The following ITFG1 variants were observed in gnomAD, a reference collection of about 807,000 sequenced individuals.
The protein encoded by ITFG1 is integrin alpha FG-GAP repeat containing 1.
Under a neutral mutation model 81.8 loss-of-function variants are expected in ITFG1, and 34 were observed. The observed-to-expected ratio is 0.42, with a 90% CI of 0.32 to 0.55. ITFG1 has a LOEUF of 0.55. Ranked by LOEUF, ITFG1 falls within the 20% of genes least tolerant of loss-of-function variation. The pLI is 0.17. For missense variants in ITFG1, 672 were observed against 755.4 expected (o/e 0.89, Z 1.29); for synonymous variants, 285 against 270.6 (o/e 1.05, Z -0.52).
At chr16:47,444,565 T>C (rs146372731) in intron 5 of ITFG1, among the ~76,000 whole-genome samples, 1 of 152,276 alleles carries the variant, frequency 6.6e-6, no homozygotes, top group East Asian at 1.9e-4. Context: ...TATTAGGTGA[T>C]AGTATTATTA....
intron 14 of ITFG1, among the ~76,000 whole-genome samples, chr16:47,213,120 A>G (rs1205031307): frequency 1.3e-5 from 2 of 152,130 alleles, no homozygotes; most frequent in Non-Finnish European, 2.9e-5. Context: ...TCAGCTCAAT[A>G]TATTTTAAGA....
chr16:47,269,263 A>G (rs1395250266), intron 10 of ITFG1, among the ~76,000 whole-genome samples: 1 of 152,208 alleles, frequency 6.6e-6, no homozygotes, highest in Non-Finnish European at 1.5e-5. Flanking sequence ...GAAAAATCAT[A>G]TGAGATCTAG....
At chr16:47,315,778 T>TATATATATATATATATATATATAC (rs1303718198) in intron 8 of ITFG1, among the ~76,000 whole-genome samples, 208 of 151,202 alleles carry the variant, frequency 1.4e-3, no homozygotes, top group Non-Finnish European at 2.0e-3. Context: ...CATATATATA[T>TATATATATATATATATATATATAC]ACACATATAT....
At chr16:47,371,837 G>A (rs1323444044) in intron 7 of ITFG1, among the ~76,000 whole-genome samples, 2 of 151,938 alleles carry the variant, frequency 1.3e-5, no homozygotes, top group Non-Finnish European at 2.9e-5. Flanking sequence ...GAATTATCTG[G>A]CTCAAAATGG....
rs1416583510 is a variant in ITFG1, at chr16:47,237,958, T to A, written c.1374+7A>T. ...GACATATTTATAACAGATATAAATT[T>A]ACTTACTGTTATCTTACGAGGACAG... On this transcript the variant is annotated splice_region_variant and intron_variant, in intron 13 of 17. Coordinates refer to ENST00000320640, the MANE Select transcript of ITFG1 (RefSeq NM_030790.5). 7.6e-7 allele frequency: 1 copy of A among 1,312,022 alleles called. No individual in the cohort carries two copies. The highest frequency in any genetic ancestry group is 2.1e-5 in the Admixed American group (1 of 47,786). The allele number at this position is 1,312,022 out of a possible 1,614,324, so 81.3% of individuals were successfully genotyped here.
intron 8 of ITFG1, among the ~76,000 whole-genome samples, chr16:47,328,081 A>T (rs879200158): frequency 1.3e-5 from 2 of 152,198 alleles, no homozygotes; most frequent in African/African-American, 4.8e-5. Flanking sequence ...CAAATGTCCA[A>T]CAATGATAGA....
intron 8 of ITFG1, among the ~76,000 whole-genome samples, chr16:47,364,256 A>G (rs1482101903): frequency 6.6e-6 from 1 of 152,230 alleles, no homozygotes; most frequent in Admixed American, 6.5e-5. Flanking sequence ...ATGGAGCAAT[A>G]GATATGTTTC....
chr16:47,224,422 GC>G (rs1427618137), intron 13 of ITFG1, among the ~76,000 whole-genome samples: 6 of 152,104 alleles, frequency 3.9e-5, no homozygotes, highest in African/African-American at 1.4e-4. Flanking sequence ...CTATGTTCGT[GC>G]CCCAGAAAGA....
At chr16:47,272,304 G>A (rs1334133374) in intron 10 of ITFG1, among the ~76,000 whole-genome samples, 2 of 152,188 alleles carry the variant, frequency 1.3e-5, no homozygotes, top group Non-Finnish European at 2.9e-5. Context: ...GAAGTCGTAG[G>A]GGAATTGGAG....
At chr16:47,403,438 G>A (rs937684549) in intron 6 of ITFG1, among the ~76,000 whole-genome samples, 2 of 151,922 alleles carry the variant, frequency 1.3e-5, no homozygotes, top group East Asian at 3.9e-4. Context: ...AGGGGGTGAC[G>A]CTTTAGCTAC....
chr16:47,316,822 T>C (rs1225582259), intron 8 of ITFG1, among the ~76,000 whole-genome samples: 2 of 152,202 alleles, frequency 1.3e-5, no homozygotes, highest in Non-Finnish European at 2.9e-5. Flanking sequence ...GAGCTAGAAT[T>C]ACTTTAAGCA....
chr16:47,421,410 T>G lies in ITFG1; in HGVS notation c.655+7394A>C, dbSNP rs151273670. 8.5e-3 allele frequency among the ~76,000 whole-genome samples: 1,295 copies of G among 152,026 alleles called. 19 individuals are homozygous for G. The highest frequency in any genetic ancestry group is 0.029 in the African/African-American group (1,212 of 41,454). ...ACCTCTGCCTCCCAGGTTCAAGCGA[T>G]TCTCCTGCCTCAGGCTCCTGAGTAG... On this transcript the variant is annotated intron_variant, in intron 6 of 17. Transcript: ENST00000320640.
intron 8 of ITFG1, among the ~76,000 whole-genome samples, chr16:47,327,793 T>A (rs530660195): frequency 6.6e-6 from 1 of 152,246 alleles, no homozygotes; most frequent in South Asian, 2.1e-4. Context: ...TCACACCAGT[T>A]AGAATGGCAA....
At chr16:47,192,021 C>T (rs1440255855) in intron 14 of ITFG1, among the ~76,000 whole-genome samples, 1 of 152,212 alleles carries the variant, frequency 6.6e-6, no homozygotes, top group Non-Finnish European at 1.5e-5. Context: ...CTCAAGCAAT[C>T]TGCCTGCCTT....
chr16:47,366,177 A>G (rs764692662), intron 7 of ITFG1, among the ~76,000 whole-genome samples: 1 of 152,204 alleles, frequency 6.6e-6, no homozygotes, highest in Non-Finnish European at 1.5e-5. Flanking sequence ...AATGTAAAGA[A>G]TTATAAAACT....
At chr16:47,401,907 C>T (rs1177908007) in intron 6 of ITFG1, among the ~76,000 whole-genome samples, 1 of 152,208 alleles carries the variant, frequency 6.6e-6, no homozygotes, top group East Asian at 1.9e-4. Context: ...CACTACCCCC[C>T]ATCCCATGTC....
intron 13 of ITFG1, among the ~76,000 whole-genome samples, chr16:47,229,748 G>T (rs1301210489): frequency 6.6e-6 from 1 of 152,072 alleles, no homozygotes; most frequent in Admixed American, 6.6e-5. Flanking sequence ...GGTTTTGGGG[G>T]GTGGGGAACA....
At chr16:47,198,569 C>T (rs957717788) in intron 14 of ITFG1, among the ~76,000 whole-genome samples, 4 of 152,184 alleles carry the variant, frequency 2.6e-5, no homozygotes, top group African/African-American at 9.7e-5. Flanking sequence ...ACTCCATCTA[C>T]TTTTAAAAAC....
chr16:47,440,732 A>C (rs886137277), intron 5 of ITFG1, among the ~76,000 whole-genome samples: 2 of 152,088 alleles, frequency 1.3e-5, no homozygotes, highest in African/African-American at 4.8e-5. Context: ...CAAGAGAAAG[A>C]AGGAAAGATC....
Sources: gnomAD v4.1 joint callset for allele counts (sites outside exome capture counted in the v4.1 genomes callset) on GRCh38, gnomAD v4.1.1 for gene constraint, MANE v1.5 for transcripts, NCBI Gene and HGNC (gene_info 2026-07-23, HGNC 2026-07-21) for gene names.